The following RBFOX1 variants were observed in gnomAD, a reference collection of about 807,000 sequenced individuals.
RBFOX1 encodes the protein RNA binding protein fox-1 homolog 1.
A neutral mutation model predicts 57.7 loss-of-function variants in RBFOX1; 8 were observed. The observed-to-expected ratio is 0.14, with a 90% CI of 0.08 to 0.25. The LOEUF (loss-of-function observed/expected upper bound fraction) is 0.25, where lower values mean the gene tolerates loss of function less well. RBFOX1 is among the 10% of genes least tolerant of loss of function. RBFOX1 has a pLI of 1.00. For synonymous variants in RBFOX1, 326 were observed against 222.4 expected, an observed-to-expected ratio of 1.47 and a Z score of -4.15; for missense variants, 611 against 548.5, an observed-to-expected ratio of 1.11 and a Z score of -1.14.
chr16:7,707,942 G>C (rs999631764), intron 14 of RBFOX1, among the ~76,000 whole-genome samples: 8 of 152,174 alleles, frequency 5.3e-5, no homozygotes, highest in African/African-American at 1.9e-4. Flanking sequence ...GCTTCAGTCA[G>C]TATTAAGATA....
At chr16:5,514,592 G>C (rs2043722705) in intron 2 of RBFOX1, among the ~76,000 whole-genome samples, 1 of 152,140 alleles carries the variant, frequency 6.6e-6, no homozygotes, top group Non-Finnish European at 1.5e-5. Flanking sequence ...CTGTCAGCCT[G>C]CCACAGTCAG....
intron 2 of RBFOX1, among the ~76,000 whole-genome samples, chr16:6,391,227 G>C (rs1313674712): frequency 6.6e-6 from 1 of 152,082 alleles, no homozygotes; most frequent in Non-Finnish European, 1.5e-5. Flanking sequence ...ATCACGATTT[G>C]GGCCAGGCAC....
chr16:5,420,677 G>C (rs1396906513), intron 1 of RBFOX1, among the ~76,000 whole-genome samples: 1 of 152,078 alleles, frequency 6.6e-6, no homozygotes, highest in Non-Finnish European at 1.5e-5. Flanking sequence ...GGGACTACAG[G>C]CGTGCGCCAC....
At chr16:6,993,175 CAAATA>C (rs2091774989) in intron 3 of RBFOX1, among the ~76,000 whole-genome samples, 1 of 152,094 alleles carries the variant, frequency 6.6e-6, no homozygotes, top group Non-Finnish European at 1.5e-5. Context: ...TCTCACTTGT[CAAATA>C]AAATCATTTG....
chr16:6,492,843 G>T (rs1019982689), intron 2 of RBFOX1, among the ~76,000 whole-genome samples: 3 of 152,128 alleles, frequency 2.0e-5, no homozygotes, highest in Admixed American at 6.5e-5. Flanking sequence ...TCAGAAATCT[G>T]TTTGAAAAAC....
intron 5 of RBFOX1, among the ~76,000 whole-genome samples, chr16:7,550,360 C>G (rs752755206): frequency 6.6e-6 from 1 of 151,828 alleles, no homozygotes; most frequent in Non-Finnish European, 1.5e-5. Flanking sequence ...CATATCTGCT[C>G]TGGGGCTATA....
At chr16:5,731,990 T>C (rs906781010) in intron 3 of RBFOX1, among the ~76,000 whole-genome samples, 1 of 152,190 alleles carries the variant, frequency 6.6e-6, no homozygotes, top group African/African-American at 2.4e-5. Flanking sequence ...CTCCACCCCA[T>C]ATCAGTGAGC....
chr16:6,504,775 G>A, intron 2 of RBFOX1, among the ~76,000 whole-genome samples: 1 of 152,144 alleles, frequency 6.6e-6, no homozygotes, highest in East Asian at 1.9e-4. Flanking sequence ...ACAAAGTCTG[G>A]CCAGGTGCAG....
At chr16:5,821,120 G>A (rs2055837509) in intron 3 of RBFOX1, among the ~76,000 whole-genome samples, 1 of 152,052 alleles carries the variant, frequency 6.6e-6, no homozygotes, top group Non-Finnish European at 1.5e-5. Context: ...CAAACTCATT[G>A]CTCAGGCAGG....
At chr16:6,793,629 A>G (rs907176680) in intron 3 of RBFOX1, among the ~76,000 whole-genome samples, 2 of 152,210 alleles carry the variant, frequency 1.3e-5, no homozygotes, top group Admixed American at 1.3e-4. Flanking sequence ...TTTACTGTTA[A>G]GCAAAAAAAG....
chr16:5,598,000 C>G (rs2151200287), intron 2 of RBFOX1, among the ~76,000 whole-genome samples: 1 of 152,136 alleles, frequency 6.6e-6, no homozygotes. Flanking sequence ...TGAAAATGCA[C>G]AAGAAATACA....
intron 3 of RBFOX1, among the ~76,000 whole-genome samples, chr16:5,665,071 G>C (rs1453147998): frequency 6.7e-6 from 1 of 148,278 alleles, no homozygotes; most frequent in Non-Finnish European, 1.5e-5. Context: ...CCAGGCTCCC[G>C]AGTAGCTGAG....
intron 3 of RBFOX1, among the ~76,000 whole-genome samples, chr16:6,721,313 G>A (rs2065947861): frequency 6.6e-6 from 1 of 152,028 alleles, no homozygotes; most frequent in Non-Finnish European, 1.5e-5. Flanking sequence ...CATGGTGGCG[G>A]GTGCCTGTAA....
At position 6,994,047 on chromosome 16, in the gene RBFOX1, G is replaced by C. The variant is rs141344327; in HGVS notation, c.-15-58010G>C. Among the ~76,000 whole-genome samples the C allele has an allele frequency of 1.6e-3, 250 of 152,252 alleles. 3 individuals carry two copies. The highest frequency in any genetic ancestry group is 5.6e-3 in the African/African-American group (234 of 41,562). ...ATTTCCTCAATCCACCTCCCCCTCT[G>C]GGAGTTTAACAAACAGGCCTTAGTG... On this transcript the variant is annotated intron_variant, in intron 3 of 15. Coordinates refer to ENST00000550418, the MANE Select transcript of RBFOX1 (RefSeq NM_018723.4).
chr16:7,601,248 T>C (rs539547701), intron 9 of RBFOX1, among the ~76,000 whole-genome samples: 1 of 152,350 alleles, frequency 6.6e-6, no homozygotes, highest in East Asian at 1.9e-4. Context: ...AAACTCTCCA[T>C]GTGCCAGCTC....
chr16:6,892,250 C>G (rs756778799), intron 3 of RBFOX1, among the ~76,000 whole-genome samples: 1 of 152,152 alleles, frequency 6.6e-6, no homozygotes, highest in Non-Finnish European at 1.5e-5. Flanking sequence ...ACATTTTTGA[C>G]AGTAACACTT....
intron 3 of RBFOX1, among the ~76,000 whole-genome samples, chr16:6,992,591 G>T (rs1194880932): frequency 1.3e-5 from 2 of 152,052 alleles, no homozygotes; most frequent in Non-Finnish European, 2.9e-5. Flanking sequence ...TTTCTCTGTG[G>T]TGTAAAATGC....
intron 11 of RBFOX1, among the ~76,000 whole-genome samples, chr16:7,652,617 AGGCT>A (rs2144700180): frequency 6.6e-6 from 1 of 152,140 alleles, no homozygotes; most frequent in East Asian, 1.9e-4. Context: ...CGTATTGGCC[AGGCT>A]GGTCTCGAAC....
chr16:7,633,208 C>T (rs924926705), intron 11 of RBFOX1, among the ~76,000 whole-genome samples: 2 of 152,166 alleles, frequency 1.3e-5, no homozygotes, highest in African/African-American at 4.8e-5. Context: ...CGGCTCTTTA[C>T]AGAAGAAGTG....
Sources: allele counts gnomAD v4.1 joint callset (sites outside exome capture counted in the v4.1 genomes callset), GRCh38; gene constraint gnomAD v4.1.1; transcripts MANE v1.5; gene names NCBI Gene and HGNC (gene_info 2026-07-23, HGNC 2026-07-21).